MEGF6: variants seen among roughly 807,000 people sequenced by gnomAD.
MEGF6 encodes multiple EGF like domains 6.
MEGF6 carries 184 observed loss-of-function variants against 207.1 expected under a neutral mutation model. The ratio of observed to expected loss-of-function variants is 0.89; its 90% confidence interval spans 0.79 to 1.00. The LOEUF is 1.00. MEGF6 is among the 50% of genes least tolerant of loss of function. The probability of loss-of-function intolerance (pLI) is 0.00; values close to 1 mark genes in which losing one functional copy is unlikely to be tolerated. For missense variants in MEGF6, 2,282 were observed against 2,202.9 expected (o/e 1.04, Z -0.72); for synonymous variants, 1,038 against 910.0 (o/e 1.14, Z -2.53).
Position 3,565,954 on chromosome 1 carries a change from AC to A in MEGF6, c.481+13870del, listed in dbSNP as rs1269462203. ...AGACCTCAGGGTCAGCTGCTATAGG[AC>A]CCGCCGTGGACCACTGCCCTGCAGG... On this transcript the variant is annotated intron_variant, in intron 4 of 36. Coordinates refer to ENST00000356575, the MANE Select transcript of MEGF6 (RefSeq NM_001409.4). This position sits in a 1 kb window ranked among gnomAD's most constrained non-coding sequence, Gnocchi z 4.8. Among the ~76,000 whole-genome samples the A allele has an allele frequency of 2.6e-5, 4 of 151,922 alleles. No individual in the cohort carries two copies. The highest frequency in any genetic ancestry group is 2.0e-4 in the Admixed American group (3 of 15,254).
chr1:3,599,167 G>A (rs974225732), intron 2 of MEGF6, among the ~76,000 whole-genome samples: 5 of 152,240 alleles, frequency 3.3e-5, no homozygotes, highest in African/African-American at 7.2e-5. Context: ...GGGCCAGCCT[G>A]GGGAGGGGGC....
chr1:3,602,410 A>G (rs1644174478), intron 2 of MEGF6, 56 bp downstream of exon 2: 1 of 1,609,838 alleles, frequency 6.2e-7, no homozygotes, highest in Admixed American at 1.7e-5. Flanking sequence ...CCGGGTGGTC[A>G]GTGCCGCCCT....
chr1:3,502,230 G>C (rs2821026), intron 17 of MEGF6, among the ~76,000 whole-genome samples: 11,719 of 152,230 alleles, frequency 0.077, 620 homozygotes, highest in Admixed American at 0.13. Context: ...GGAGGAGAGG[G>C]GAGGGGCAGG....
intron 4 of MEGF6, among the ~76,000 whole-genome samples, chr1:3,554,091 C>T (rs1335974219): frequency 2.0e-5 from 3 of 152,134 alleles, no homozygotes; most frequent in African/African-American, 4.8e-5. Flanking sequence ...ACAAGCTTGG[C>T]GCCTGCTTCC....
At chr1:3,605,059 C>A (rs757500137) in intron 1 of MEGF6, among the ~76,000 whole-genome samples, 1 of 151,432 alleles carries the variant, frequency 6.6e-6, no homozygotes, top group Non-Finnish European at 1.5e-5. Flanking sequence ...CAAACACACA[C>A]CCTCACACTC....
At chr1:3,538,704 G>C (rs1430417968) in intron 4 of MEGF6, among the ~76,000 whole-genome samples, 2 of 61,428 alleles carry the variant, frequency 3.3e-5, no homozygotes, top group Non-Finnish European at 5.3e-5. Context: ...GCCTGTGTGT[G>C]TGTGTGTGTG....
intron 7 of MEGF6, among the ~76,000 whole-genome samples, 153 bp from the exon 8 acceptor site, chr1:3,512,281 C>A (rs1038963170): frequency 2.0e-5 from 3 of 152,258 alleles, no homozygotes; most frequent in Admixed American, 6.5e-5. Context: ...CTGACGGCCA[C>A]TAGTCACAGC....
rs564255312 is a variant in MEGF6 at position 3,582,219 on chromosome 1, T to C, written c.377-2290A>G. On this transcript the variant is annotated intron_variant, in intron 3 of 36. Transcript: ENST00000356575. Reference sequence around the variant, plus strand: ...GCTAGAAGGAGGACACGGAGACCAATGATTAACGTCTGTCCCAGGCTGGGA... The same window carrying C: ...GCTAGAAGGAGGACACGGAGACCAACGATTAACGTCTGTCCCAGGCTGGGA... Among the ~76,000 whole-genome samples, 6 of 152,290 alleles carry C rather than the reference T, an allele frequency of 3.9e-5. No homozygotes were observed. The East Asian group carries it at 1.2e-3, about 29-fold the overall frequency.
At chr1:3,617,293 C>G in the MEGF6 span, among the ~76,000 whole-genome samples, 32 of 152,314 alleles carry the variant, frequency 2.1e-4, no homozygotes, top group African/African-American at 7.5e-4. Flanking sequence ...GCTAGCAGCT[C>G]AGGACACAGC....
chr1:3,505,986 G>T, intron 15 of MEGF6, 122 bp downstream of exon 15: 1 of 1,338,420 alleles, frequency 7.5e-7, no homozygotes, highest in Non-Finnish European at 1.0e-6. Context: ...CTACATCCCA[G>T]TGGGTGACCT....
intron 5 of MEGF6, among the ~76,000 whole-genome samples, chr1:3,523,076 G>GGA (rs1553195904): frequency 4.2e-5 from 6 of 142,222 alleles, no homozygotes; most frequent in Non-Finnish European, 5.9e-5. Context: ...GTGTGTGCCG[G>GGA]GGGGGGGGCC....
At chr1:3,546,734 C>T (rs1467586782) in intron 4 of MEGF6, among the ~76,000 whole-genome samples, 6 of 67,560 alleles carry the variant, frequency 8.9e-5, no homozygotes, top group Non-Finnish European at 1.8e-4. Context: ...GGGGTGGCAG[C>T]GGGCTGGGAA....
rs562930920 is a variant in MEGF6 at position 3,525,666 on chromosome 1, A to T, written c.482-1420T>A. ...GTGCTGGCTGGAAGCCCAGAGGCCC[A>T]GCAGGACCCCCGGGATGCACCATGA... On this transcript the variant is annotated intron_variant, in intron 4 of 36. Transcript: ENST00000356575. 3.3e-5 allele frequency among the ~76,000 whole-genome samples: 5 copies of T among 152,330 alleles called. No individual in the cohort carries two copies. In the East Asian group the frequency reaches 9.7e-4, roughly 29 times the overall value.
At chr1:3,607,915 C>A (rs764456190) in intron 1 of MEGF6, among the ~76,000 whole-genome samples, 2 of 152,188 alleles carry the variant, frequency 1.3e-5, no homozygotes, top group Non-Finnish European at 2.9e-5. Flanking sequence ...GGCCCAGCGA[C>A]GGCATCACCA....
rs982223200 is a variant in MEGF6, at chr1:3,506,136, T to C, written c.1890A>G (p.Pro630=). The change falls in exon 15 of 37, where the codon CCA becomes CCG. Residue 630 remains proline, a synonymous_variant. Coordinates refer to ENST00000356575, the MANE Select transcript of MEGF6 (RefSeq NM_001409.4). ...HRLYGACLCD[P]GLYGRFCHLT... The stretch of plus-strand genomic sequence containing the variant: ...GGTGGCAGAAGCGGCCGTAGAGCCC[T>C]GGGTCGCAGAGGCAGGCCCCGTAGA... 3.8e-6 allele frequency: 6 copies of C among 1,598,394 alleles called. No homozygotes were observed. The highest frequency in any genetic ancestry group is 5.1e-6 in the Non-Finnish European group (6 of 1,173,178).
chr1:3,523,280 G>A (rs898059269), intron 5 of MEGF6, among the ~76,000 whole-genome samples: 8 of 152,174 alleles, frequency 5.3e-5, no homozygotes, highest in African/African-American at 9.7e-5. Flanking sequence ...TGCTTGGGGC[G>A]CCTGTGCCCA....
At chr1:3,568,863 C>T (rs757252164) in intron 4 of MEGF6, among the ~76,000 whole-genome samples, 1 of 152,162 alleles carries the variant, frequency 6.6e-6, no homozygotes, top group Non-Finnish European at 1.5e-5. Context: ...GCCTGCAGAG[C>T]GTGTTCACAG....
rs184482230 is a variant in MEGF6 at position 3,510,594 on chromosome 1, G to A, written c.1234+189C>T. On this transcript the variant is annotated intron_variant, in intron 10 of 36. Coordinates refer to ENST00000356575, the MANE Select transcript of MEGF6 (RefSeq NM_001409.4). ...ACCCACAGCCCTGCACGCAGCAGGC[G>A]CTCAACCAACACCCACCACAGCCCT... Among the ~76,000 whole-genome samples, 952 of 150,320 alleles carry A rather than the reference G, an allele frequency of 6.3e-3. 13 individuals carry two copies. Among genetic ancestry groups the A allele is most frequent in the Middle Eastern group, 0.014 (4 of 278 alleles).
At chr1:3,526,082 C>G (rs1641951355) in intron 4 of MEGF6, among the ~76,000 whole-genome samples, 1 of 152,218 alleles carries the variant, frequency 6.6e-6, no homozygotes, top group Admixed American at 6.5e-5. Flanking sequence ...ACAGACGGAG[C>G]TGTGCAGCCT....
Sources: allele counts gnomAD v4.1 joint callset (sites outside exome capture counted in the v4.1 genomes callset), GRCh38; gene constraint gnomAD v4.1.1; non-coding constraint Gnocchi (gnomAD v3.1); transcripts MANE v1.5; gene names NCBI Gene and HGNC (gene_info 2026-07-23, HGNC 2026-07-21).